LANCL2: variants seen among roughly 807,000 people sequenced by gnomAD.
The protein encoded by LANCL2 is LanC like glutathione S-transferase 2, also known as lanC-like protein 2.
Under a neutral mutation model 56.9 loss-of-function variants are expected in LANCL2, and 33 were observed. The ratio of observed to expected loss-of-function variants is 0.58; its 90% CI spans 0.44 to 0.78. The LOEUF (loss-of-function observed/expected upper bound fraction) is 0.78. Ranked by LOEUF, LANCL2 falls within the 30% of genes least tolerant of loss-of-function variation. The probability of loss-of-function intolerance (pLI) is 0.00; values close to 1 mark genes in which losing one functional copy is unlikely to be tolerated. For missense variants in LANCL2, 562 were observed against 580.2 expected (o/e 0.97, Z 0.32); for synonymous variants, 233 against 228.2 (o/e 1.02, Z -0.19).
At chr7:55,406,970 G>GT (rs763679340) in intron 5 of LANCL2, among the ~76,000 whole-genome samples, 1 of 152,152 alleles carries the variant, frequency 6.6e-6, no homozygotes, top group Non-Finnish European at 1.5e-5. Flanking sequence ...AAGTCAGTTT[G>GT]TTCTACAGAA....
chr7:55,375,086 C>A (rs1308091051), intron 1 of LANCL2, among the ~76,000 whole-genome samples: 1 of 152,208 alleles, frequency 6.6e-6, no homozygotes, highest in African/African-American at 2.4e-5. Context: ...TTATGCATAA[C>A]TATTCAAAAC....
chr7:55,376,827 T>C (rs1343980762), intron 1 of LANCL2, among the ~76,000 whole-genome samples: 1 of 152,248 alleles, frequency 6.6e-6, no homozygotes, highest in Non-Finnish European at 1.5e-5. Context: ...CAGCTTTGTG[T>C]CCCAATAACA....
intron 5 of LANCL2, among the ~76,000 whole-genome samples, chr7:55,402,338 G>A (rs1278456085): frequency 5.5e-5 from 3 of 54,864 alleles, no homozygotes; most frequent in Admixed American, 3.1e-4. Flanking sequence ...GCGGCTGGCC[G>A]GGCAGAGGGG....
In LANCL2 at chr7:55,432,443, G is replaced by A. The variant is rs1425548890; in HGVS notation, c.*1123G>A. Reference sequence around the variant, plus strand: ...TTGTGTGACTTTTATTTGAAAAAATGTGAGCAGTAATTTGGGTTAGCCTAC... The same window carrying A: ...TTGTGTGACTTTTATTTGAAAAAATATGAGCAGTAATTTGGGTTAGCCTAC... On this transcript the variant is annotated 3_prime_UTR_variant, in exon 9 of 9. Coordinates refer to ENST00000254770, the MANE Select transcript of LANCL2 (RefSeq NM_018697.4). 7 of 152,204 alleles carry A rather than the reference G, an allele frequency of 4.6e-5. No homozygotes were observed. The highest frequency in any genetic ancestry group is 8.8e-5 in the Non-Finnish European group (6 of 68,038). The allele number at this position is 152,204 out of a possible 1,614,324, so 9.4% of individuals were successfully genotyped here. A position where few individuals can be genotyped will look rare whatever the true frequency, so the allele number is the denominator to read the frequency against.
intron 2 of LANCL2, among the ~76,000 whole-genome samples, chr7:55,392,638 T>A (rs1790205367): frequency 6.6e-6 from 1 of 152,192 alleles, no homozygotes; most frequent in Non-Finnish European, 1.5e-5. Flanking sequence ...CGTGAGCCAC[T>A]AGCCTGGCTG....
rs1391720642 is a variant in LANCL2 at position 55,366,149 on chromosome 7, G to A, written c.124G>A (p.Gly42Arg). The A allele has an allele frequency of 2.6e-6, 4 of 1,551,212 alleles. No homozygotes were observed. ...CGCCGCCGGGGCGCTGCTCGCCTCC[G>A]GAGCGGCCGAAGAGACAGGCTGTGT... ...EAAAGALLAS[G>R]AAEETGCVRP... The change falls in exon 1 of 9, where the codon GGA (glycine) becomes AGA (arginine). Residue 42 changes from glycine to arginine, a missense_variant. Transcript: ENST00000254770.
chr7:55,365,923 G>A lies in LANCL2; in HGVS notation c.-103G>A. 2 of 937,080 alleles carry A rather than the reference G, an allele frequency of 2.1e-6. No individual in the cohort carries two copies. Among genetic ancestry groups the A allele is most frequent in the Non-Finnish European group, 3.0e-6 (2 of 665,804 alleles). The allele number at this position is 937,080 out of a possible 1,614,324, so 58.0% of individuals were successfully genotyped here. A position where few individuals can be genotyped will look rare whatever the true frequency, so the allele number is the denominator to read the frequency against. On this transcript the variant is annotated 5_prime_UTR_variant, in exon 1 of 9. An upstream open reading frame in the 5' UTR loses its in-frame stop. Transcript: ENST00000254770. The stretch of plus-strand genomic sequence containing the variant: ...CCAGCGCGCGGCCTCGCTCCTCCTA[G>A]AGGACGCTCTCTGCGCGGGCCCTCG...
intron 5 of LANCL2, among the ~76,000 whole-genome samples, chr7:55,407,766 G>T (rs1790425915): frequency 6.6e-6 from 1 of 152,212 alleles, no homozygotes; most frequent in African/African-American, 2.4e-5. Context: ...GCAGTTTGTG[G>T]ACTCATGAAG....
chr7:55,428,063 C>T (rs982475269), intron 7 of LANCL2: 8 of 396,884 alleles, frequency 2.0e-5, no homozygotes, highest in African/African-American at 1.6e-4. Context: ...CGAGTTGCTT[C>T]TGGAATCATC....
intron 1 of LANCL2, 109 bp downstream of exon 1, chr7:55,366,338 G>A: frequency 1.0e-6 from 1 of 964,740 alleles, no homozygotes; most frequent in Non-Finnish European, 1.5e-6. Context: ...TTGGGAGGGC[G>A]CGGGATGATA....
intron 5 of LANCL2, among the ~76,000 whole-genome samples, chr7:55,408,131 A>G (rs1329743954): frequency 6.6e-6 from 1 of 152,256 alleles, no homozygotes; most frequent in Non-Finnish European, 1.5e-5. Flanking sequence ...CCAAGAAACA[A>G]ACATTTGAGG....
At chr7:55,382,986 G>A (rs1422942906) in intron 1 of LANCL2, among the ~76,000 whole-genome samples, 1 of 152,216 alleles carries the variant, frequency 6.6e-6, no homozygotes, top group Admixed American at 6.5e-5. Flanking sequence ...GGCCAGCATG[G>A]TGGCTCACGC....
At chr7:55,374,812 T>C (rs1382143989) in intron 1 of LANCL2, among the ~76,000 whole-genome samples, 1 of 152,258 alleles carries the variant, frequency 6.6e-6, no homozygotes. Context: ...CTTTATGGTA[T>C]ACAGTTTGCA....
chr7:55,396,943 C>T (rs1790260544), intron 2 of LANCL2: 1 of 151,990 alleles, frequency 6.6e-6, no homozygotes, highest in Non-Finnish European at 1.5e-5. Flanking sequence ...TTTTTGAATA[C>T]AGAAAACATG....
chr7:55,367,846 A>G (rs980747309), intron 1 of LANCL2, among the ~76,000 whole-genome samples: 1 of 152,260 alleles, frequency 6.6e-6, no homozygotes, highest in Non-Finnish European at 1.5e-5. Context: ...GAAAGGCCTC[A>G]ATAAATGTTA....
At position 55,397,460 on chromosome 7, in the gene LANCL2, C is replaced by CA. The variant is rs35547837; in HGVS notation, c.323-943dup. On this transcript the variant is annotated intron_variant, in intron 2 of 8. Transcript: ENST00000254770. ...TGGGCAACAGAGCAAGACTCTGTCTCAAAAAAAAAAAAAAAAAAAAGCAAA... is the reference window on the plus strand; with the variant it reads ...TGGGCAACAGAGCAAGACTCTGTCTCAAAAAAAAAAAAAAAAAAAAAGCAAA... Among the ~76,000 whole-genome samples the CA allele has an allele frequency of 0.014, 1,218 of 90,168 alleles. 59 individuals carry two copies. The East Asian group carries it at 0.14, about 10-fold the overall frequency. The allele number at this position is 90,168 out of a possible 152,430, so 59.2% of individuals were successfully genotyped here. A position where few individuals can be genotyped will look rare whatever the true frequency, so the allele number is the denominator to read the frequency against.
In LANCL2 at chr7:55,398,578, G is replaced by A. The variant is rs1429061143; in HGVS notation, c.478G>A (p.Val160Met). ...GDAGPLAVGA[V>M]IYHKLRSDCE... ...TGCTGGCCCCCTGGCTGTTGGAGCT[G>A]TGATTTATCACAAACTCAGAAGTGA... Residue 160 changes from valine to methionine, a missense_variant, in exon 3 of 9, where the codon GTG (valine) becomes ATG (methionine). Around this residue, in one of 2 missense-constraint regions of LANCL2, gnomAD observed 378 missense variants for 468.4 expected, o/e 0.81. Coordinates refer to ENST00000254770, the MANE Select transcript of LANCL2 (RefSeq NM_018697.4). 1.2e-6 allele frequency: 2 copies of A among 1,614,140 alleles called. No individual in the cohort carries two copies. The highest frequency in any genetic ancestry group is 1.1e-5 in the South Asian group (1 of 91,088).
intron 1 of LANCL2, among the ~76,000 whole-genome samples, chr7:55,380,153 C>T (rs1790049934): frequency 6.6e-6 from 1 of 152,172 alleles, no homozygotes; most frequent in Admixed American, 6.5e-5. Context: ...ATTGTCTTGC[C>T]TACCTATTTT....
At chr7:55,366,711 G>T (rs561882807) in intron 1 of LANCL2, among the ~76,000 whole-genome samples, 1 of 152,360 alleles carries the variant, frequency 6.6e-6, no homozygotes, top group African/African-American at 2.4e-5. Context: ...GTAAGGGGAG[G>T]CCAAACTTGA....
Sources: gnomAD v4.1 joint callset for allele counts (sites outside exome capture counted in the v4.1 genomes callset) on GRCh38, gnomAD v4.1.1 for gene constraint, gnomAD v4.1.1 regional missense constraint, MANE v1.5 for transcripts, NCBI Gene and HGNC (gene_info 2026-07-23, HGNC 2026-07-21) for gene names.